SUN3: variants seen among roughly 807,000 people sequenced by gnomAD.
SUN3 encodes Sad1 and UNC84 domain containing 3.
Under a neutral mutation model 48.2 loss-of-function variants are expected in SUN3, and 36 were observed. That is an observed-to-expected ratio of 0.75 (90% CI 0.57 to 0.99). The LOEUF (loss-of-function observed/expected upper bound fraction) is 0.99, where lower values mean the gene tolerates loss of function less well. SUN3 is among the 50% of genes least tolerant of loss of function. The probability of loss-of-function intolerance (pLI) is 0.00; values close to 1 mark genes in which losing one functional copy is unlikely to be tolerated. For synonymous variants in SUN3, 148 were observed against 147.9 expected (o/e 1.00, Z 0.00); for missense variants, 419 against 433.1 (o/e 0.97, Z 0.29).
intron 2 of SUN3, 117 bp downstream of exon 2, chr7:48,025,760 C>A: frequency 1.6e-6 from 1 of 636,148 alleles, no homozygotes; most frequent in Non-Finnish European, 2.7e-6. Flanking sequence ...TGCAGGTCAC[C>A]TCCAGCACTT....
At chr7:48,035,573 G>C in the SUN3 span, 1 of 697,696 alleles carries the variant, frequency 1.4e-6, no homozygotes, top group Admixed American at 2.0e-5. The surrounding 1 kb of genome is among the most constrained non-coding windows in gnomAD (Gnocchi z 4.0). Flanking sequence ...AGCCAGCCGT[G>C]TAAAAACTCC....
At chr7:48,033,333 G>A (rs892594197), upstream of SUN3, among the ~76,000 whole-genome samples, 2 of 152,312 alleles carry the variant, frequency 1.3e-5, no homozygotes, top group Non-Finnish European at 2.9e-5. Flanking sequence ...GGCTGAGGCA[G>A]GAACATTCCT....
In SUN3 at chr7:47,992,746, G is replaced by A. The variant is rs185997968; in HGVS notation, c.861+1569C>T. Among the ~76,000 whole-genome samples, 44 of 152,018 alleles carry A rather than the reference G, an allele frequency of 2.9e-4. 1 individual carries two copies. The highest frequency in any genetic ancestry group is 3.4e-3 in the Middle Eastern group (1 of 294). On this transcript the variant is annotated intron_variant, in intron 8 of 9. Coordinates refer to ENST00000297325, the MANE Select transcript of SUN3 (RefSeq NM_001030019.2). The stretch of plus-strand genomic sequence containing the variant: ...AAAGTGAAGGAAGGAATAAAGAAAG[G>A]AAGAAATTTATAAGTTATCTGATGT...
upstream of SUN3, among the ~76,000 whole-genome samples, chr7:48,032,680 G>A (rs1324447167): frequency 6.6e-6 from 1 of 152,244 alleles, no homozygotes. Context: ...AGCCCCTCCA[G>A]TTGGTGGAAC....
intron 8 of SUN3, among the ~76,000 whole-genome samples, chr7:47,989,500 CTAATT>C (rs1443922584): frequency 6.6e-6 from 1 of 152,162 alleles, no homozygotes; most frequent in South Asian, 2.1e-4. Flanking sequence ...CTGGTGCAAA[CTAATT>C]TATTTTGTGA....
the SUN3 span, chr7:48,035,751 T>C: frequency 1.7e-6 from 1 of 583,154 alleles, no homozygotes; most frequent in South Asian, 2.0e-5. This position sits in a 1 kb window ranked among gnomAD's most constrained non-coding sequence, Gnocchi z 4.0. Context: ...GACCACCTTG[T>C]CGCCGGGTTG....
chr7:48,001,522 G>GTTTT (rs1286421253), intron 6 of SUN3, among the ~76,000 whole-genome samples: 1,274 of 121,698 alleles, frequency 0.01, 154 homozygotes, highest in Middle Eastern at 0.03. Context: ...TGTCTTTTCT[G>GTTTT]TTTTTTTTGT....
intron 7 of SUN3, among the ~76,000 whole-genome samples, 176 bp from the exon 8 acceptor site, chr7:47,994,658 G>C (rs958582849): frequency 6.6e-6 from 1 of 152,210 alleles, no homozygotes; most frequent in Non-Finnish European, 1.5e-5. Flanking sequence ...ATATCAATCA[G>C]AGCCCTTTAT....
chr7:48,003,585 A>G (rs1789447365), intron 6 of SUN3, among the ~76,000 whole-genome samples: 1 of 152,150 alleles, frequency 6.6e-6, no homozygotes, highest in East Asian at 1.9e-4. Context: ...GATTTCTTTA[A>G]GCAATGGTTT....
At chr7:48,031,473 C>T (rs1413795502), upstream of SUN3, among the ~76,000 whole-genome samples, 1 of 152,128 alleles carries the variant, frequency 6.6e-6, no homozygotes, top group Non-Finnish European at 1.5e-5. Flanking sequence ...TGAGACCAGC[C>T]TGGGCAACAT....
chr7:47,994,487 A>G lies in SUN3; in HGVS notation c.694-5T>C. On this transcript the variant is annotated splice_polypyrimidine_tract_variant and splice_region_variant and intron_variant, in intron 7 of 9. Coordinates refer to ENST00000297325, the MANE Select transcript of SUN3 (RefSeq NM_001030019.2). ...CTTTCCAGGGTAGACATCCGGCTGG[A>G]AAGAAAACACTGAATTAATCTCTTA... 6.3e-7 allele frequency: 1 copy of G among 1,588,968 alleles called. No homozygotes were observed. The highest frequency in any genetic ancestry group is 1.2e-5 in the South Asian group (1 of 86,682).
intron 1 of SUN3, among the ~76,000 whole-genome samples, chr7:48,028,479 C>CAAAAA (rs55997019): frequency 1.3e-4 from 6 of 45,232 alleles, no homozygotes; most frequent in East Asian, 7.7e-4. Flanking sequence ...AGCCCAATGA[C>CAAAAA]AAAAAAAAAA....
At chr7:48,003,106 G>A (rs1233361377) in intron 6 of SUN3, among the ~76,000 whole-genome samples, 1 of 152,108 alleles carries the variant, frequency 6.6e-6, no homozygotes, top group Non-Finnish European at 1.5e-5. Flanking sequence ...ATGGTATATG[G>A]AAGGGGTCCA....
chr7:48,030,065 G>A (rs1008229344), upstream of SUN3, among the ~76,000 whole-genome samples: 1 of 152,010 alleles, frequency 6.6e-6, no homozygotes, highest in Admixed American at 6.6e-5. Flanking sequence ...AGCCATCAGG[G>A]CTTCAAATAT....
chr7:48,033,204 A>G (rs1447945008), upstream of SUN3, among the ~76,000 whole-genome samples: 3 of 152,216 alleles, frequency 2.0e-5, no homozygotes, highest in Non-Finnish European at 4.4e-5. Flanking sequence ...TTTCCATGGC[A>G]TCATTACCTA....
At chr7:48,002,374 G>T (rs548191809) in intron 6 of SUN3, among the ~76,000 whole-genome samples, 24 of 128,850 alleles carry the variant, frequency 1.9e-4, no homozygotes, top group Non-Finnish European at 2.9e-4. Flanking sequence ...TAGCCAGGAT[G>T]GTCTCGATCT....
intron 8 of SUN3, among the ~76,000 whole-genome samples, chr7:47,989,361 T>C (rs1788989440): frequency 1.3e-5 from 2 of 152,310 alleles, no homozygotes; most frequent in South Asian, 4.1e-4. Context: ...ATCACACAAA[T>C]AATTTCCTCT....
intron 6 of SUN3, 112 bp downstream of exon 6, chr7:48,005,857 C>CG (rs1554295969): frequency 2.0e-5 from 11 of 545,762 alleles, no homozygotes; most frequent in South Asian, 8.3e-5. Flanking sequence ...ATTTCCCCCC[C>CG]CCAAGTTACC....
At chr7:47,994,533 C>G (rs1048389505) in intron 7 of SUN3, 51 bp from the exon 8 acceptor site, 25 of 1,523,444 alleles carry the variant, frequency 1.6e-5, no homozygotes, top group Non-Finnish European at 2.2e-5. Flanking sequence ...TGAATCCATT[C>G]CCACAATACT....
Sources: allele counts gnomAD v4.1 joint callset (sites outside exome capture counted in the v4.1 genomes callset), GRCh38; gene constraint gnomAD v4.1.1; non-coding constraint Gnocchi (gnomAD v3.1); transcripts MANE v1.5; gene names NCBI Gene and HGNC (gene_info 2026-07-23, HGNC 2026-07-21).